Variants in EFCAB13 observed in about 807,000 individuals in gnomAD.
EFCAB13 encodes the protein EF-hand calcium binding domain 13, also known as EF-hand calcium-binding domain-containing protein 13.
Under a neutral mutation model 110.2 loss-of-function variants are expected in EFCAB13, and 91 were observed. That is an observed-to-expected ratio of 0.83 (90% CI 0.70 to 0.98). The LOEUF (loss-of-function observed/expected upper bound fraction) is 0.98, where lower values mean the gene tolerates loss of function less well. Among genes scored for constraint, EFCAB13 ranks in the 50% least tolerant of loss-of-function variants. The pLI is 0.00. For synonymous variants in EFCAB13, 323 were observed against 369.9 expected, an observed-to-expected ratio of 0.87 and a Z score of 1.45; for missense variants, 968 against 1,119.4, an observed-to-expected ratio of 0.86 and a Z score of 1.93.
Position 47,340,766 on chromosome 17 carries a change from ATTTTTTTTTTTT to A in EFCAB13, c.192-1137_192-1126del, listed in dbSNP as rs58304526. On this transcript the variant is annotated intron_variant, in intron 5 of 24. Transcript: ENST00000331493. ...AGGCGTGCACCACCACACCTGGCTA[ATTTTTTTTTTTT>A]TTTTTTTTTTTTTTTTTAGTAGAGA... Among the ~76,000 whole-genome samples the A allele has an allele frequency of 1.0e-3, 56 of 54,014 alleles. 2 individuals carry two copies. In the East Asian group the frequency reaches 0.018, roughly 17 times the overall value. The allele number at this position is 54,014 out of a possible 152,430, so 35.4% of individuals were successfully genotyped here.
chr17:47,328,448 C>T, intron 4 of EFCAB13, 65 bp downstream of exon 4: 2 of 1,300,384 alleles, frequency 1.5e-6, no homozygotes, highest in South Asian at 1.4e-5. Context: ...TTTACATTAC[C>T]TCATATTCAT....
At position 47,347,833 on chromosome 17, in the gene EFCAB13, T is replaced by C. The variant is rs1278172935; in HGVS notation, c.543T>C (p.Phe181=). The change falls in exon 9 of 25, where the codon TTT becomes TTC. Residue 181 remains phenylalanine (F), a synonymous_variant. Coordinates refer to ENST00000331493, the MANE Select transcript of EFCAB13 (RefSeq NM_152347.5). ...LSALHKACKI[F]SKIRSGKIYV... ...CACTTCATAAAGCCTGTAAAATTTTTAGTAAAATTCGAAGTGGTAAGATTT... is the reference window on the plus strand; with the variant it reads ...CACTTCATAAAGCCTGTAAAATTTTCAGTAAAATTCGAAGTGGTAAGATTT... The C allele has an allele frequency of 3.3e-6, 5 of 1,507,444 alleles. No homozygotes were observed. Among genetic ancestry groups the C allele is most frequent in the Non-Finnish European group, 4.5e-6 (5 of 1,113,074 alleles). The allele number at this position is 1,507,444 out of a possible 1,614,324, so 93.4% of individuals were successfully genotyped here. A position where few individuals can be genotyped will look rare whatever the true frequency, so the allele number is the denominator to read the frequency against.
intron 10 of EFCAB13, among the ~76,000 whole-genome samples, chr17:47,362,999 T>C (rs2065524891): frequency 6.6e-6 from 1 of 152,174 alleles, no homozygotes; most frequent in Admixed American, 6.5e-5. Flanking sequence ...TTGTCTTGTG[T>C]CTTTATTTCT....
intron 23 of EFCAB13, among the ~76,000 whole-genome samples, chr17:47,426,251 A>G (rs958796468): frequency 6.6e-6 from 1 of 152,246 alleles, no homozygotes; most frequent in Non-Finnish European, 1.5e-5. Flanking sequence ...TTCAAAAATT[A>G]TATCTTTAAG....
chr17:47,351,302 T>TGCGC (rs1253848612), intron 9 of EFCAB13, among the ~76,000 whole-genome samples: 18 of 101,578 alleles, frequency 1.8e-4, no homozygotes, highest in Admixed American at 4.5e-4. Context: ...TGTGTGTGTG[T>TGCGC]GTGCGCGCGC....
At chr17:47,334,560 G>A (rs2065338139) in intron 4 of EFCAB13, among the ~76,000 whole-genome samples, 1 of 152,156 alleles carries the variant, frequency 6.6e-6, no homozygotes, top group Admixed American at 6.5e-5. Context: ...CAAAGAGTAT[G>A]ATAAACTTTT....
Position 47,431,874 on chromosome 17 carries a change from A to G in EFCAB13, c.2638+1913A>G, listed in dbSNP as rs1231636448. Among the ~76,000 whole-genome samples, 1 of 152,244 alleles carries G rather than the reference A, an allele frequency of 6.6e-6. No homozygotes were observed. The highest frequency in any genetic ancestry group is 2.1e-4 in the South Asian group (1 of 4,838). On this transcript the variant is annotated intron_variant, in intron 24 of 24. Coordinates refer to ENST00000331493, the MANE Select transcript of EFCAB13 (RefSeq NM_152347.5). This position sits in a 1 kb window ranked among gnomAD's most constrained non-coding sequence, Gnocchi z 4.1. ...TTGTTCTAAAATCTTCTACAATTTT[A>G]TACCATGATTATGTATTTGTCTACT...
At chr17:47,414,797 C>A (rs769776905) in intron 22 of EFCAB13, 51 bp from the exon 23 acceptor site, 3 of 1,202,176 alleles carry the variant, frequency 2.5e-6, no homozygotes, top group African/African-American at 3.0e-5. Flanking sequence ...TTTCATGTGC[C>A]AATTCAGTAT....
intron 22 of EFCAB13, 36 bp downstream of exon 22, chr17:47,412,952 T>C (rs1291716031): frequency 1.3e-6 from 2 of 1,590,786 alleles, no homozygotes; most frequent in Non-Finnish European, 1.7e-6. Flanking sequence ...CTTTTCATTT[T>C]TTTTCTACTT....
At chr17:47,421,419 C>T (rs1186663992) in intron 23 of EFCAB13, among the ~76,000 whole-genome samples, 1 of 151,848 alleles carries the variant, frequency 6.6e-6, no homozygotes, top group Non-Finnish European at 1.5e-5. Flanking sequence ...TAAACAGATG[C>T]TTGAAGGCAG....
intron 24 of EFCAB13, among the ~76,000 whole-genome samples, chr17:47,437,165 C>T (rs927694911): frequency 6.6e-6 from 1 of 151,934 alleles, no homozygotes; most frequent in East Asian, 1.9e-4. Context: ...TATTGAGGCT[C>T]GCTTTATGGC....
Position 47,344,277 on chromosome 17 carries a change from C to T in EFCAB13, c.419C>T (p.Ser140Phe), listed in dbSNP as rs753552730. 2 of 1,611,804 alleles carry T rather than the reference C, an allele frequency of 1.2e-6. No homozygotes were observed. Among genetic ancestry groups the T allele is most frequent in the Admixed American group, 3.3e-5 (2 of 59,806 alleles). Residue 140 changes from serine to phenylalanine, a missense_variant, in exon 7 of 25, where the codon TCT becomes TTT. Ser to Phe is a radical substitution (Grantham distance 155). Coordinates refer to ENST00000331493, the MANE Select transcript of EFCAB13 (RefSeq NM_152347.5). ...AAGACTTCATCACCTCTTTGTACAT[C>T]TTCTGCAATTACTCGGTATTTAAAT... ...VHKTSSPLCTSSAITREKEML... is the reference protein window; with the variant it reads ...VHKTSSPLCTFSAITREKEML...
chr17:47,376,381 G>T (rs1456714657), intron 12 of EFCAB13, among the ~76,000 whole-genome samples: 1 of 152,148 alleles, frequency 6.6e-6, no homozygotes, highest in Non-Finnish European at 1.5e-5. Flanking sequence ...ATGGGTAGAA[G>T]AGGCTGTCAG....
At chr17:47,439,154 A>G (rs1464530063) in intron 24 of EFCAB13, among the ~76,000 whole-genome samples, 1 of 130,456 alleles carries the variant, frequency 7.7e-6, no homozygotes, top group Non-Finnish European at 1.6e-5. Flanking sequence ...TTGCCACCTG[A>G]GTTTCCTCTT....
intron 9 of EFCAB13, among the ~76,000 whole-genome samples, chr17:47,359,454 A>T (rs990742417): frequency 4.0e-5 from 6 of 151,792 alleles, no homozygotes; most frequent in Non-Finnish European, 8.8e-5. Flanking sequence ...TATATGATGA[A>T]TTTCAAGAAA....
At chr17:47,344,549 A>G (rs905955548) in intron 7 of EFCAB13, among the ~76,000 whole-genome samples, 1 of 152,130 alleles carries the variant, frequency 6.6e-6, no homozygotes, top group Admixed American at 6.6e-5. Context: ...AGGATCTTGT[A>G]CTAAATGAAC....
chr17:47,363,537 A>G (rs117097039), intron 10 of EFCAB13, among the ~76,000 whole-genome samples: 2 of 151,706 alleles, frequency 1.3e-5, no homozygotes, highest in East Asian at 1.9e-4. Flanking sequence ...AAAATGCTCC[A>G]TGGCAAATAC....
At chr17:47,371,868 C>G (rs1462338335) in intron 11 of EFCAB13, among the ~76,000 whole-genome samples, 3 of 152,178 alleles carry the variant, frequency 2.0e-5, no homozygotes, top group Non-Finnish European at 4.4e-5. Context: ...CCTGCCTCAG[C>G]CTCCCAAAGT....
Position 47,422,512 on chromosome 17 carries a change from A to AT in EFCAB13, c.2495-7302dup, listed in dbSNP as rs556514965. ...GAATCTATACACTGGTTATTATATT[A>AT]TTTTATTTCAGTTAATGAGCAAATT... is the stretch of plus-strand genomic sequence containing the variant. On this transcript the variant is annotated intron_variant, in intron 23 of 24. Coordinates refer to ENST00000331493, the MANE Select transcript of EFCAB13 (RefSeq NM_152347.5). Among the ~76,000 whole-genome samples the AT allele has an allele frequency of 1.6e-3, 242 of 152,298 alleles. 1 individual carries two copies. Among genetic ancestry groups the AT allele is most frequent in the African/African-American group, 5.6e-3 (231 of 41,568 alleles).
Sources: allele counts gnomAD v4.1 joint callset (sites outside exome capture counted in the v4.1 genomes callset), GRCh38; gene constraint gnomAD v4.1.1; non-coding constraint Gnocchi (gnomAD v3.1); transcripts MANE v1.5; gene names NCBI Gene and HGNC (gene_info 2026-07-23, HGNC 2026-07-21).